Variants in TALDO1 observed in about 807,000 individuals in gnomAD.
The protein encoded by TALDO1 is transaldolase.
TALDO1 carries 29 observed loss-of-function variants against 38.1 expected under a neutral mutation model. The ratio of observed to expected loss-of-function variants is 0.76; its 90% CI spans 0.57 to 1.04. TALDO1 has a LOEUF of 1.04. Among genes scored for constraint, TALDO1 ranks in the 50% least tolerant of loss-of-function variants. The pLI is 0.00. For synonymous variants in TALDO1, 207 were observed against 176.8 expected (o/e 1.17, Z -1.36); for missense variants, 499 against 438.1 (o/e 1.14, Z -1.24).
chr11:755,751 G>C, intron 1 of TALDO1, 128 bp from the exon 2 acceptor site: 3 of 1,385,212 alleles, frequency 2.2e-6, no homozygotes, highest in Non-Finnish European at 3.0e-6. Context: ...GAGAAGTGTG[G>C]CTGGACCCCG....
Position 753,993 on chromosome 11 carries a change from A to AT in TALDO1, c.98-1877dup, listed in dbSNP as rs201942233. Among the ~76,000 whole-genome samples the AT allele has an allele frequency of 7.1e-3, 1,052 of 148,628 alleles. 15 individuals are homozygous for AT. Among genetic ancestry groups the AT allele is most frequent in the African/African-American group, 0.025 (1,005 of 40,574 alleles). On this transcript the variant is annotated intron_variant, in intron 1 of 7. Coordinates refer to ENST00000319006, the MANE Select transcript of TALDO1 (RefSeq NM_006755.2). ...TTACTCTGAAGAAAAAAACTTTTTT[A>AT]TTTTTTTTTGCAACAGAGTCTTGCT...
chr11:754,171 G>T (rs1862795707), intron 1 of TALDO1, among the ~76,000 whole-genome samples: 3 of 151,780 alleles, frequency 2.0e-5, no homozygotes, highest in Admixed American at 2.0e-4. Context: ...TTTTAGTAGG[G>T]ACAGGGTTTC....
chr11:748,230 T>A (rs1477635183), intron 1 of TALDO1, among the ~76,000 whole-genome samples: 2 of 152,218 alleles, frequency 1.3e-5, no homozygotes, highest in East Asian at 3.9e-4. Flanking sequence ...GCCATCGCCC[T>A]TGAGCCCTGC....
chr11:759,160 A>G (rs1862891416), intron 3 of TALDO1, 103 bp downstream of exon 3: 2 of 986,208 alleles, frequency 2.0e-6, no homozygotes, highest in Non-Finnish European at 3.2e-6. Flanking sequence ...CATGGTCTTC[A>G]TCCCAAGGGC....
At position 763,831 on chromosome 11, in the gene TALDO1, C is replaced by T. The variant is rs140348538; in HGVS notation, c.722C>T (p.Thr241Met). The T allele has an allele frequency of 6.8e-6, 11 of 1,614,060 alleles. No homozygotes were observed. The highest frequency in any genetic ancestry group is 4.5e-5 in the East Asian group (2 of 44,880). The change falls in exon 6 of 8, where the codon ACG (threonine) becomes ATG (methionine). Residue 241 changes from threonine (T) to methionine (M), a missense_variant. Physicochemically the swap from Thr to Met is moderately conservative, Grantham distance 81. Coordinates refer to ENST00000319006, the MANE Select transcript of TALDO1 (RefSeq NM_006755.2). ...GTCATGGGCGCCTCCTTCCGCAACA[C>T]GGGCGAGATCAAAGCACTGGCCGGC... is the stretch of plus-strand genomic sequence containing the variant. Reference protein sequence around the residue: ...TIVMGASFRNTGEIKALAGCD... With the variant: ...TIVMGASFRNMGEIKALAGCD...
At chr11:757,007 G>A (rs1184444952) in intron 2 of TALDO1, among the ~76,000 whole-genome samples, 2 of 152,202 alleles carry the variant, frequency 1.3e-5, no homozygotes, top group African/African-American at 2.4e-5. Context: ...TGCCGAGCAG[G>A]CAACGTGGGC....
Position 763,314 on chromosome 11 carries a change from GCCCCGCCCTCACCT to G in TALDO1, c.462-29_462-16del. On this transcript the variant is annotated splice_polypyrimidine_tract_variant and intron_variant, in intron 4 of 7. Transcript: ENST00000319006. ...CCCTCACCTGTCCCCGCCCTCACCTGCCCCGCCCTCACCTGTCCCCGCCCCGCAGGGAGCTCGAG... is the reference window on the plus strand; with the variant it reads ...CCCTCACCTGTCCCCGCCCTCACCTGGTCCCCGCCCCGCAGGGAGCTCGAG... The G allele has an allele frequency of 3.0e-5, 17 of 568,284 alleles. No individual in the cohort carries two copies. Among genetic ancestry groups the G allele is most frequent in the Non-Finnish European group, 3.7e-5 (15 of 401,110 alleles). The allele number at this position is 568,284 out of a possible 1,614,324, so 35.2% of individuals were successfully genotyped here.
At chr11:749,380 C>T (rs913889238) in intron 1 of TALDO1, among the ~76,000 whole-genome samples, 32 of 118,898 alleles carry the variant, frequency 2.7e-4, no homozygotes, top group Admixed American at 2.4e-3. Context: ...CCAGCCTGGG[C>T]GACAGAGCAA....
At position 758,952 on chromosome 11, in the gene TALDO1, C is replaced by A; in HGVS notation, c.224C>A (p.Ser75Ter). ...AIAYGRKLGG[S>*]QEDQIKNAID... ...CTTTTTTTCCCTTTGAATTTCAGGTCACAAGAGGACCAGATTAAAAATGCT... is the reference window on the plus strand; with the variant it reads ...CTTTTTTTCCCTTTGAATTTCAGGTAACAAGAGGACCAGATTAAAAATGCT... The change falls in exon 3 of 8, where the codon TCA (serine) becomes TAA (stop). Residue 75 changes from serine (S) to a stop codon, truncating the protein, a stop_gained and splice_region_variant. Coordinates refer to ENST00000319006, the MANE Select transcript of TALDO1 (RefSeq NM_006755.2). LOFTEE classifies it high-confidence loss of function. 6.2e-7 allele frequency: 1 copy of A among 1,609,902 alleles called. No individual in the cohort carries two copies. The highest frequency in any genetic ancestry group is 1.1e-5 in the South Asian group (1 of 90,920).
chr11:763,176 C>T (rs1322567675), intron 4 of TALDO1, among the ~76,000 whole-genome samples, 168 bp from the exon 5 acceptor site: 1 of 146,982 alleles, frequency 6.8e-6, no homozygotes, highest in Non-Finnish European at 1.5e-5. Flanking sequence ...GGGCACCTGG[C>T]CTGCATTCAC....
intron 2 of TALDO1, among the ~76,000 whole-genome samples, chr11:758,617 T>C (rs1010038296): frequency 6.6e-6 from 1 of 152,072 alleles, no homozygotes; most frequent in African/African-American, 2.4e-5. Context: ...TCTTTTTTTT[T>C]TTCTTGAGAT....
At position 760,118 on chromosome 11, in the gene TALDO1, A is replaced by C; in HGVS notation, c.330-4A>C. 2 of 1,613,780 alleles carry C rather than the reference A, an allele frequency of 1.2e-6. No individual in the cohort carries two copies. Among genetic ancestry groups the C allele is most frequent in the Non-Finnish European group, 1.7e-6 (2 of 1,179,924 alleles). ...GAGGGGATGGGTTCTTCTTGCTCCTACAGGCTCTCCTTTGATAAAGATGCG... is the reference window on the plus strand; with the variant it reads ...GAGGGGATGGGTTCTTCTTGCTCCTCCAGGCTCTCCTTTGATAAAGATGCG... On this transcript the variant is annotated splice_region_variant and splice_polypyrimidine_tract_variant and intron_variant, in intron 3 of 7. Coordinates refer to ENST00000319006, the MANE Select transcript of TALDO1 (RefSeq NM_006755.2).
rs537502977 is a variant in TALDO1, at chr11:764,957, T to C, written c.*112T>C. ...TACAAATTGGAGCAGGGACAGATCATAGATTTCTGATTTTATGTAAAATTT... is the reference window on the plus strand; with the variant it reads ...TACAAATTGGAGCAGGGACAGATCACAGATTTCTGATTTTATGTAAAATTT... On this transcript the variant is annotated 3_prime_UTR_variant, in exon 8 of 8. Transcript: ENST00000319006. 2.1e-5 allele frequency: 30 copies of C among 1,462,018 alleles called. No individual in the cohort carries two copies. In the African/African-American group the frequency reaches 2.9e-4, roughly 14 times the overall value. The allele number at this position is 1,462,018 out of a possible 1,614,324, so 90.6% of individuals were successfully genotyped here. A position where few individuals can be genotyped will look rare whatever the true frequency, so the allele number is the denominator to read the frequency against.
intron 6 of TALDO1, 171 bp downstream of exon 6, chr11:764,115 G>C: frequency 7.3e-7 from 1 of 1,378,726 alleles, no homozygotes; most frequent in Non-Finnish European, 1.0e-6. Context: ...TCTCACTCAA[G>C]TCATCAGCCA....
chr11:763,756 G>A lies in TALDO1; in HGVS notation c.647G>A (p.Ser216Asn). 1 of 1,614,032 alleles carries A rather than the reference G, an allele frequency of 6.2e-7. No homozygotes were observed. The highest frequency in any genetic ancestry group is 8.5e-7 in the Non-Finnish European group (1 of 1,180,026). The change falls in exon 6 of 8, where the codon AGT (serine) becomes AAT (asparagine). Residue 216 changes from serine to asparagine, a missense_variant. By Grantham distance (46) the Ser-to-Asn change is conservative. Coordinates refer to ENST00000319006, the MANE Select transcript of TALDO1 (RefSeq NM_006755.2). ...YEPLEDPGVK[S>N]VTKIYNYYKK... The stretch of plus-strand genomic sequence containing the variant: ...CTTGGTCTCTTTCCAGGGGTAAAGA[G>A]TGTCACTAAAATCTACAACTACTAC...
intron 1 of TALDO1, 93 bp from the exon 2 acceptor site, chr11:755,786 C>G (rs909434878): frequency 4.4e-6 from 7 of 1,599,568 alleles, no homozygotes; most frequent in South Asian, 1.1e-5. Flanking sequence ...CTGGACTCCC[C>G]TAACGTCCTG....
In TALDO1 at chr11:757,325, C is replaced by G. The variant is rs1046644807; in HGVS notation, c.221+1323C>G. On this transcript the variant is annotated intron_variant, in intron 2 of 7. Coordinates refer to ENST00000319006, the MANE Select transcript of TALDO1 (RefSeq NM_006755.2). Reference sequence around the variant, plus strand: ...TTTTTTTTTTTGAGATAGAGTTTGGCTCTGTCACCTAGGCTGGAGTGCAGT... The same window carrying G: ...TTTTTTTTTTTGAGATAGAGTTTGGGTCTGTCACCTAGGCTGGAGTGCAGT... Among the ~76,000 whole-genome samples the G allele has an allele frequency of 8.2e-5, 12 of 145,484 alleles. 1 individual carries two copies. The Admixed American group carries it at 8.3e-4, about 10-fold the overall frequency.
intron 4 of TALDO1, among the ~76,000 whole-genome samples, chr11:761,964 T>G (rs1043470000): frequency 6.6e-6 from 1 of 151,378 alleles, no homozygotes; most frequent in South Asian, 2.1e-4. Context: ...ATTTGTGTGT[T>G]TTTTTGTTTT....
At chr11:747,750 A>T (rs929481995) in intron 1 of TALDO1, among the ~76,000 whole-genome samples, 172 bp downstream of exon 1, 1 of 151,818 alleles carries the variant, frequency 6.6e-6, no homozygotes, top group African/African-American at 2.4e-5. Flanking sequence ...GACAGCCGTG[A>T]GGGGAGCGGG....
Sources: allele counts gnomAD v4.1 joint callset (sites outside exome capture counted in the v4.1 genomes callset), GRCh38; gene constraint gnomAD v4.1.1; transcripts MANE v1.5; gene names NCBI Gene and HGNC (gene_info 2026-07-23, HGNC 2026-07-21).